Variants in IGF2R observed in about 807,000 individuals in gnomAD.
The protein encoded by IGF2R is cation-independent mannose-6-phosphate receptor.
IGF2R carries 91 observed loss-of-function variants against 270.6 expected under a neutral mutation model. The ratio of observed to expected loss-of-function variants is 0.34; its 90% CI spans 0.28 to 0.40. The LOEUF (loss-of-function observed/expected upper bound fraction) is 0.40, where lower values mean the gene tolerates loss of function less well. Among genes scored for constraint, IGF2R ranks in the 10% least tolerant of loss-of-function variants. The pLI is 1.00. For missense variants in IGF2R, 2,805 were observed against 3,188.3 expected, an observed-to-expected ratio of 0.88 and a Z score of 2.90; for synonymous variants, 1,316 against 1,258.9, an observed-to-expected ratio of 1.05 and a Z score of -0.96.
chr6:160,059,434 C>G (rs1263248173), intron 22 of IGF2R, among the ~76,000 whole-genome samples: 7 of 152,196 alleles, frequency 4.6e-5, no homozygotes, highest in Non-Finnish European at 1.5e-5. Context: ...CTGTGCCTAG[C>G]TTACAAATTG....
chr6:160,093,579 C>T, intron 44 of IGF2R: 2 of 666,244 alleles, frequency 3.0e-6, no homozygotes, highest in Admixed American at 2.0e-5. Flanking sequence ...CCAGAACTTG[C>T]CATCAACCCA....
At position 160,058,058 on chromosome 6, in the gene IGF2R, G is replaced by A; in HGVS notation, c.2832G>A (p.Val944=). The part of the protein sequence containing the change: ...CSIRDPNSGF[V]FNLNPLNSSQ... ...TAAGGGATCCCAACAGTGGATTTGT[G>A]TTTAATCTTAATCCGCTAAACAGTT... Residue 944 remains valine (V), a synonymous_variant, in exon 21 of 48, where the codon GTG becomes GTA. Transcript: ENST00000356956. The A allele has an allele frequency of 6.2e-7, 1 of 1,613,866 alleles. No individual in the cohort carries two copies. Among genetic ancestry groups the A allele is most frequent in the Non-Finnish European group, 8.5e-7 (1 of 1,179,746 alleles).
rs1389293844 is a variant in IGF2R at position 160,083,941 on chromosome 6, A to C, written c.5834-9A>C. ...TCTGATCTCTCTCTCTTTTCCCTAC[A>C]CTCCCCAGCAAACAGCTACCGGACA... is the stretch of plus-strand genomic sequence containing the variant. On this transcript the variant is annotated splice_polypyrimidine_tract_variant and intron_variant, in intron 39 of 47. Transcript: ENST00000356956. 3 of 1,594,004 alleles carry C rather than the reference A, an allele frequency of 1.9e-6. No individual in the cohort carries two copies. In the African/African-American group the frequency reaches 4.0e-5, roughly 21 times the overall value.
rs1784323280 is a variant in IGF2R at position 160,010,860 on chromosome 6, A to G, written c.513+75A>G. On this transcript the variant is annotated intron_variant, in intron 4 of 47. Transcript: ENST00000356956. ...CTTTATCTTTCAAATACTGATTCTAACCTTTCCGGGTGAAAATCTTTTTTA... is the reference window on the plus strand; with the variant it reads ...CTTTATCTTTCAAATACTGATTCTAGCCTTTCCGGGTGAAAATCTTTTTTA... 5.9e-6 allele frequency: 5 copies of G among 847,948 alleles called. No homozygotes were observed. In the East Asian group the frequency reaches 1.3e-4, roughly 22 times the overall value. 52.5% of individuals were successfully genotyped at this position (847,948 alleles called of 1,614,324 possible).
chr6:159,991,045 T>G, intron 1 of IGF2R, 139 bp from the exon 2 acceptor site: 1 of 749,292 alleles, frequency 1.3e-6, no homozygotes, highest in East Asian at 2.7e-5. Context: ...CATACTTGAC[T>G]TTTTAGTGTT....
intron 2 of IGF2R, among the ~76,000 whole-genome samples, chr6:159,996,615 G>A (rs189180717): frequency 3.3e-5 from 5 of 152,298 alleles, no homozygotes; most frequent in Non-Finnish European, 7.4e-5. Flanking sequence ...GCAGGTGGGA[G>A]CACAATCTGC....
At position 160,029,620 on chromosome 6, in the gene IGF2R, A is replaced by G. The variant is rs1199831106; in HGVS notation, c.847A>G (p.Thr283Ala). ...TTGTGATGGTCACAGCCCTGCGGTGACTATTACATTTGTTTGCCCGTCGGA... is the reference window on the plus strand; with the variant it reads ...TTGTGATGGTCACAGCCCTGCGGTGGCTATTACATTTGTTTGCCCGTCGGA... Reference protein sequence around the residue: ...DFCDGHSPAVTITFVCPSERR... With the variant: ...DFCDGHSPAVAITFVCPSERR... Residue 283 changes from threonine (T) to alanine (A), a missense_variant, in exon 7 of 48, where the codon ACT becomes GCT. Thr to Ala is a moderately conservative substitution (Grantham distance 58, BLOSUM62 0). Transcript: ENST00000356956. 1.9e-6 allele frequency: 3 copies of G among 1,613,948 alleles called. No individual in the cohort carries two copies. In the African/African-American group the frequency reaches 4.0e-5, roughly 22 times the overall value.
chr6:160,033,189 T>C, intron 9 of IGF2R, 82 bp downstream of exon 9: 1 of 933,630 alleles, frequency 1.1e-6, no homozygotes. Context: ...CAGGCTAGAC[T>C]GCAGTGGTGC....
intron 1 of IGF2R, among the ~76,000 whole-genome samples, chr6:159,988,623 CAAT>C (rs1418910581): frequency 6.6e-6 from 1 of 151,794 alleles, no homozygotes; most frequent in Admixed American, 6.6e-5. Context: ...CCTCATGCAC[CAAT>C]ATCATATACT....
intron 44 of IGF2R, among the ~76,000 whole-genome samples, chr6:160,090,711 T>C (rs1011448278): frequency 6.6e-6 from 1 of 152,224 alleles, no homozygotes; most frequent in Admixed American, 6.5e-5. Context: ...CGTGTGTGGA[T>C]GTAATAACTC....
intron 45 of IGF2R, among the ~76,000 whole-genome samples, chr6:160,098,502 T>C (rs1779414232): frequency 6.6e-6 from 1 of 152,030 alleles, no homozygotes. Flanking sequence ...CCCCAAATGT[T>C]ATCAGTGTTG....
At chr6:159,980,706 T>C (rs1367689200) in intron 1 of IGF2R, among the ~76,000 whole-genome samples, 3 of 151,938 alleles carry the variant, frequency 2.0e-5, no homozygotes, top group Non-Finnish European at 4.4e-5. Context: ...CACCTTCCCT[T>C]GTAGTTTGCA....
intron 44 of IGF2R, among the ~76,000 whole-genome samples, chr6:160,090,800 G>T (rs1282433817): frequency 6.6e-6 from 1 of 152,296 alleles, no homozygotes; most frequent in East Asian, 1.9e-4. Context: ...TGTCCTCTGG[G>T]AGGGGAGAGT....
chr6:159,988,430 G>A (rs527984801), intron 1 of IGF2R, among the ~76,000 whole-genome samples: 21 of 150,034 alleles, frequency 1.4e-4, no homozygotes, highest in South Asian at 6.3e-4. Context: ...GGAGAATGGC[G>A]TGAACCCGGG....
intron 6 of IGF2R, among the ~76,000 whole-genome samples, chr6:160,028,193 C>T (rs372550741): frequency 2.5e-4 from 38 of 152,164 alleles, no homozygotes; most frequent in Non-Finnish European, 7.4e-5. Flanking sequence ...GTTCTGAGGC[C>T]TCTCTCCTTG....
intron 41 of IGF2R, among the ~76,000 whole-genome samples, chr6:160,085,804 T>C: frequency 6.6e-6 from 1 of 152,222 alleles, no homozygotes; most frequent in South Asian, 2.1e-4. Context: ...CCGAGAAAAC[T>C]ACTGCCACCC....
At chr6:160,010,867 C>G (rs184778943) in intron 4 of IGF2R, 82 bp downstream of exon 4, 1 of 783,932 alleles carries the variant, frequency 1.3e-6, no homozygotes, top group Non-Finnish European at 2.1e-6. Flanking sequence ...CTAACCTTTC[C>G]GGGTGAAAAT....
intron 33 of IGF2R, 62 bp from the exon 34 acceptor site, chr6:160,073,151 C>T (rs1778781076): frequency 6.3e-6 from 10 of 1,586,068 alleles, no homozygotes; most frequent in South Asian, 2.3e-5. Flanking sequence ...CGAAAGTTCT[C>T]ATCAGAAAAT....
intron 19 of IGF2R, among the ~76,000 whole-genome samples, chr6:160,052,060 A>G (rs904628820): frequency 5.3e-5 from 8 of 152,110 alleles, no homozygotes; most frequent in South Asian, 2.1e-4. Flanking sequence ...AAATTAGCCA[A>G]GTGTGGTGAT....
Sources: gnomAD v4.1 joint callset for allele counts (sites outside exome capture counted in the v4.1 genomes callset) on GRCh38, gnomAD v4.1.1 for gene constraint, MANE v1.5 for transcripts, NCBI Gene and HGNC (gene_info 2026-07-23, HGNC 2026-07-21) for gene names.